The following NRXN3 variants were observed in gnomAD, a reference collection of about 807,000 sequenced individuals.
NRXN3 encodes the protein neurexin 3, also known as neurexin III.
NRXN3 carries 32 observed loss-of-function variants against 137.6 expected under a neutral mutation model. The observed-to-expected ratio is 0.23, with a 90% confidence interval of 0.18 to 0.31. The LOEUF is 0.31. Ranked by LOEUF, NRXN3 falls within the 10% of genes least tolerant of loss-of-function variation. NRXN3 has a pLI of 1.00. For synonymous variants in NRXN3, 798 were observed against 784.5 expected (o/e 1.02, Z -0.29); for missense variants, 1,574 against 2,062.5 (o/e 0.76, Z 4.59).
rs1013102050 is a variant in NRXN3, at chr14:78,861,186, A to G, written c.2275+50842A>G. 1.4e-4 allele frequency among the ~76,000 whole-genome samples: 21 copies of G among 152,174 alleles called. 1 individual carries two copies. The highest frequency in any genetic ancestry group is 5.1e-4 in the African/African-American group (21 of 41,458). On this transcript the variant is annotated intron_variant, in intron 10 of 20. Transcript: ENST00000335750. ...GTAATCACAACAGGAAATATGTTAT[A>G]TGAAATACAACTTTTACAAGTTGTT...
intron 6 of NRXN3, among the ~76,000 whole-genome samples, chr14:78,655,973 C>T (rs554865893): frequency 9.2e-5 from 14 of 152,198 alleles, no homozygotes; most frequent in African/African-American, 3.4e-4. Context: ...TTTATAAGGG[C>T]ACCAATCCCA....
At chr14:78,633,722 C>T (rs2097543033) in intron 4 of NRXN3, among the ~76,000 whole-genome samples, 1 of 152,222 alleles carries the variant, frequency 6.6e-6, no homozygotes, top group South Asian at 2.1e-4. Context: ...CAGTCTGTGT[C>T]TCCAAACAGG....
chr14:79,774,266 G>A (rs2099089616), intron 19 of NRXN3, among the ~76,000 whole-genome samples: 1 of 152,138 alleles, frequency 6.6e-6, no homozygotes, highest in Non-Finnish European at 1.5e-5. Context: ...TTCATGATCT[G>A]AAGTGACAAT....
intron 17 of NRXN3, among the ~76,000 whole-genome samples, chr14:79,672,482 A>G (rs2098614115): frequency 6.6e-6 from 1 of 152,078 alleles, no homozygotes. Flanking sequence ...AATTATACTT[A>G]TCTGAAATAG....
intron 4 of NRXN3, 90 bp downstream of exon 4, chr14:78,297,950 G>GCGAATGGCCT: frequency 2.1e-6 from 3 of 1,456,284 alleles, no homozygotes; most frequent in Non-Finnish European, 2.8e-6. Context: ...GTCACTGGCA[G>GCGAATGGCCT]GCCATTCGCT....
chr14:78,801,934 A>C (rs1326430859), intron 8 of NRXN3, among the ~76,000 whole-genome samples: 1 of 152,170 alleles, frequency 6.6e-6, no homozygotes, highest in East Asian at 1.9e-4. Flanking sequence ...GTTCCAGTAC[A>C]GTTACTTGTG....
At chr14:79,608,583 A>G (rs1027663562) in intron 16 of NRXN3, among the ~76,000 whole-genome samples, 1 of 152,192 alleles carries the variant, frequency 6.6e-6, no homozygotes, top group African/African-American at 2.4e-5. Context: ...AAGGACAGGA[A>G]GGAAGGTGAT....
chr14:79,012,734 T>C (rs1364105767), intron 15 of NRXN3, among the ~76,000 whole-genome samples: 3 of 152,152 alleles, frequency 2.0e-5, no homozygotes, highest in Admixed American at 2.0e-4. Flanking sequence ...TCTTTCCTTG[T>C]GGGAATTTTA....
chr14:78,582,621 T>G (rs2097013621), intron 4 of NRXN3, among the ~76,000 whole-genome samples: 1 of 152,216 alleles, frequency 6.6e-6, no homozygotes, highest in South Asian at 2.1e-4. Context: ...CTTGCCCTTC[T>G]GCCTCTGTCA....
intron 16 of NRXN3, among the ~76,000 whole-genome samples, chr14:79,540,114 A>G (rs2097257943): frequency 6.6e-6 from 1 of 152,168 alleles, no homozygotes; most frequent in South Asian, 2.1e-4. Flanking sequence ...TTTTATGCTC[A>G]CCTAGTGTAG....
intron 15 of NRXN3, among the ~76,000 whole-genome samples, chr14:79,152,881 A>G (rs1324378259): frequency 2.6e-5 from 4 of 152,018 alleles, no homozygotes; most frequent in Non-Finnish European, 4.4e-5. Context: ...TAAAAAGTGT[A>G]ATGTCAATCT....
chr14:79,585,696 A>AAAC (rs2097759977), intron 16 of NRXN3, among the ~76,000 whole-genome samples: 1 of 149,212 alleles, frequency 6.7e-6, no homozygotes, highest in African/African-American at 2.5e-5. Context: ...AAAAAAAACA[A>AAAC]AAAAAAAAAA....
intron 2 of NRXN3, among the ~76,000 whole-genome samples, chr14:78,269,612 A>C (rs1465339481): frequency 6.6e-6 from 1 of 152,182 alleles, no homozygotes; most frequent in African/African-American, 2.4e-5. Context: ...TGTGTATTTT[A>C]TCACAATTCA....
At chr14:79,328,108 A>G (rs565955456) in intron 15 of NRXN3, among the ~76,000 whole-genome samples, 2 of 152,292 alleles carry the variant, frequency 1.3e-5, no homozygotes, top group East Asian at 3.9e-4. Flanking sequence ...CATCCTGCAC[A>G]TGTATCCTGA....
intron 15 of NRXN3, among the ~76,000 whole-genome samples, chr14:79,021,103 C>T (rs1210680013): frequency 6.6e-6 from 1 of 152,102 alleles, no homozygotes; most frequent in Non-Finnish European, 1.5e-5. Flanking sequence ...GACATATGCT[C>T]ACTGTGATCC....
chr14:78,806,596 A>G (rs972765876), intron 9 of NRXN3, among the ~76,000 whole-genome samples: 1 of 152,238 alleles, frequency 6.6e-6, no homozygotes, highest in Non-Finnish European at 1.5e-5. Flanking sequence ...AAAGCCTAGT[A>G]TATATTTCTC....
intron 15 of NRXN3, among the ~76,000 whole-genome samples, chr14:79,164,341 C>A (rs2061088529): frequency 6.6e-6 from 1 of 152,000 alleles, no homozygotes; most frequent in South Asian, 2.1e-4. Context: ...ATGGTTAAAT[C>A]CTGACAACAA....
intron 15 of NRXN3, among the ~76,000 whole-genome samples, chr14:79,183,126 AT>A (rs1443704935): frequency 1.3e-5 from 2 of 152,182 alleles, no homozygotes; most frequent in African/African-American, 4.8e-5. Context: ...ATCTACTTTT[AT>A]TTTTTATACC....
At chr14:78,877,727 A>T (rs2099117234) in intron 10 of NRXN3, among the ~76,000 whole-genome samples, 1 of 152,242 alleles carries the variant, frequency 6.6e-6, no homozygotes, top group Admixed American at 6.5e-5. Context: ...TTACAATTTT[A>T]ACTCTTCAAC....
Sources: gnomAD v4.1 joint callset for allele counts (sites outside exome capture counted in the v4.1 genomes callset) on GRCh38, gnomAD v4.1.1 for gene constraint, MANE v1.5 for transcripts, NCBI Gene and HGNC (gene_info 2026-07-23, HGNC 2026-07-21) for gene names.